Variants in ATP8A1 observed in about 807,000 individuals in gnomAD.
ATP8A1 encodes the protein phospholipid-transporting ATPase IA.
Under a neutral mutation model 177.7 loss-of-function variants are expected in ATP8A1, and 90 were observed. The observed-to-expected ratio is 0.51, with a 90% CI of 0.43 to 0.60. ATP8A1 has a LOEUF of 0.60. ATP8A1 is among the 20% of genes least tolerant of loss of function. The probability of loss-of-function intolerance (pLI) is 0.00; values close to 1 mark genes in which losing one functional copy is unlikely to be tolerated. For synonymous variants in ATP8A1, 493 were observed against 485.9 expected (o/e 1.01, Z -0.19); for missense variants, 1,072 against 1,392.8 (o/e 0.77, Z 3.67).
Position 42,411,162 on chromosome 4 carries a change from T to TACTTAA in ATP8A1, c.*1753_*1754insTTAAGT, listed in dbSNP as rs1712556711. The TACTTAA allele has an allele frequency of 6.6e-6, 1 of 152,170 alleles. No homozygotes were observed. The allele number at this position is 152,170 out of a possible 1,614,324, so 9.4% of individuals were successfully genotyped here. On this transcript the variant is annotated 3_prime_UTR_variant, in exon 37 of 37. Transcript: ENST00000381668. ...GCTTGGGAAGTAAAGTATGTAAACG[T>TACTTAA]GTGTTCCCTTAAGGTTAGAATTATG... is the stretch of plus-strand genomic sequence containing the variant.
intron 22 of ATP8A1, among the ~76,000 whole-genome samples, chr4:42,507,762 T>TAAAAAAAAAA (rs1560402485): frequency 6.7e-5 from 1 of 14,878 alleles, no homozygotes. Context: ...AAAAGTCAGT[T>TAAAAAAAAAA]AAAAAGGACA....
chr4:42,494,424 G>A (rs896729908), intron 24 of ATP8A1, among the ~76,000 whole-genome samples: 4 of 152,156 alleles, frequency 2.6e-5, no homozygotes, highest in East Asian at 1.9e-4. Flanking sequence ...GCAGTGAGCC[G>A]AGATCACGCC....
At chr4:42,487,950 AG>A (rs1307276623) in intron 24 of ATP8A1, among the ~76,000 whole-genome samples, 1 of 152,308 alleles carries the variant, frequency 6.6e-6, no homozygotes, top group African/African-American at 2.4e-5. Context: ...ACTTTACATC[AG>A]GGATGGGGGG....
chr4:42,636,296 T>C (rs1739386474), intron 1 of ATP8A1, among the ~76,000 whole-genome samples: 1 of 152,170 alleles, frequency 6.6e-6, no homozygotes, highest in Non-Finnish European at 1.5e-5. Context: ...AAGCAATTAC[T>C]GCAGTGACAA....
At chr4:42,445,517 C>A (rs1289622146) in intron 31 of ATP8A1, among the ~76,000 whole-genome samples, 1 of 151,900 alleles carries the variant, frequency 6.6e-6, no homozygotes, top group Non-Finnish European at 1.5e-5. Context: ...GTCAAGGAAA[C>A]CCTAGGCACC....
intron 20 of ATP8A1, among the ~76,000 whole-genome samples, chr4:42,539,110 C>A (rs539667903): frequency 1.3e-5 from 2 of 152,136 alleles, no homozygotes; most frequent in Non-Finnish European, 2.9e-5. Flanking sequence ...CTCGCAACAA[C>A]CTGGATGGAA....
chr4:42,485,295 A>G (rs768897523), intron 25 of ATP8A1, among the ~76,000 whole-genome samples: 77 of 152,232 alleles, frequency 5.1e-4, no homozygotes, highest in Non-Finnish European at 8.4e-4. Context: ...ATGAGGAAAA[A>G]TACTTGTTAA....
At chr4:42,446,670 G>T in intron 30 of ATP8A1, 26 bp from the exon 31 acceptor site, 2 of 1,592,416 alleles carry the variant, frequency 1.3e-6, no homozygotes, top group Non-Finnish European at 1.7e-6. Context: ...AGGCCTATTA[G>T]AAAGGAAAAT....
intron 5 of ATP8A1, among the ~76,000 whole-genome samples, chr4:42,611,126 T>A (rs1451614759): frequency 6.6e-6 from 1 of 152,200 alleles, no homozygotes; most frequent in Non-Finnish European, 1.5e-5. Flanking sequence ...ACTTTAAAGC[T>A]GAAATGGTTT....
chr4:42,640,250 TAAA>T (rs1016579008), intron 1 of ATP8A1, among the ~76,000 whole-genome samples: 1 of 152,234 alleles, frequency 6.6e-6, no homozygotes, highest in African/African-American at 2.4e-5. Flanking sequence ...ATTCAGAAGT[TAAA>T]AGAACATTTC....
intron 34 of ATP8A1, 96 bp downstream of exon 34, chr4:42,423,521 G>A: frequency 2.7e-6 from 2 of 741,804 alleles, no homozygotes; most frequent in Non-Finnish European, 4.2e-6. Context: ...TCCCTATCCT[G>A]CAAGCTCTAC....
At chr4:42,582,116 C>T (rs1368875395) in intron 9 of ATP8A1, among the ~76,000 whole-genome samples, 1 of 152,142 alleles carries the variant, frequency 6.6e-6, no homozygotes, top group Non-Finnish European at 1.5e-5. Flanking sequence ...TATAAAAAGA[C>T]ACTCGAGGAG....
intron 25 of ATP8A1, among the ~76,000 whole-genome samples, chr4:42,472,763 AAG>A (rs1553881594): frequency 7.1e-6 from 1 of 141,626 alleles, no homozygotes. Context: ...AAAAAAAAAA[AAG>A]AGAGAAAAAG....
At chr4:42,519,918 T>C (rs1024946632) in intron 22 of ATP8A1, among the ~76,000 whole-genome samples, 1 of 152,182 alleles carries the variant, frequency 6.6e-6, no homozygotes, top group African/African-American at 2.4e-5. Flanking sequence ...TAGACACATA[T>C]ATAGATGCAT....
intron 33 of ATP8A1, among the ~76,000 whole-genome samples, chr4:42,429,431 T>C (rs1715015535): frequency 6.6e-6 from 1 of 151,160 alleles, no homozygotes; most frequent in Non-Finnish European, 1.5e-5. Flanking sequence ...AGCTGTAGAA[T>C]AGGCAGGAAG....
At chr4:42,587,439 C>G (rs551481374) in intron 8 of ATP8A1, among the ~76,000 whole-genome samples, 1 of 151,328 alleles carries the variant, frequency 6.6e-6, no homozygotes, top group Non-Finnish European at 1.5e-5. Context: ...TCCTGAGTAG[C>G]TGGGATTACA....
At chr4:42,521,013 AG>A (rs1383160018) in intron 22 of ATP8A1, among the ~76,000 whole-genome samples, 2 of 152,136 alleles carry the variant, frequency 1.3e-5, no homozygotes, top group Non-Finnish European at 2.9e-5. Context: ...TGAGGAGCAG[AG>A]GGGGGAAATA....
intron 25 of ATP8A1, chr4:42,472,407 T>TAA (rs35603880): frequency 8.8e-3 from 2,227 of 253,160 alleles, no homozygotes; most frequent in East Asian, 0.015. Flanking sequence ...AATTCACAGT[T>TAA]AAAAAAAAAA....
At chr4:42,512,892 T>C (rs1725156685) in intron 22 of ATP8A1, among the ~76,000 whole-genome samples, 1 of 152,218 alleles carries the variant, frequency 6.6e-6, no homozygotes, top group Admixed American at 6.5e-5. Flanking sequence ...ACTAGCTTTC[T>C]CTGTAAAAGG....
Sources: allele counts gnomAD v4.1 joint callset (sites outside exome capture counted in the v4.1 genomes callset), GRCh38; gene constraint gnomAD v4.1.1; transcripts MANE v1.5; gene names NCBI Gene and HGNC (gene_info 2026-07-23, HGNC 2026-07-21).